STAU2: variants seen among roughly 807,000 people sequenced by gnomAD.
STAU2 encodes the protein double-stranded RNA-binding protein Staufen homolog 2.
A neutral mutation model predicts 65.9 loss-of-function variants in STAU2; 20 were observed. The observed-to-expected ratio is 0.30, with a 90% CI of 0.21 to 0.44. The LOEUF (loss-of-function observed/expected upper bound fraction) is 0.44, where lower values mean the gene tolerates loss of function less well. STAU2 is among the 20% of genes least tolerant of loss of function. STAU2 has a pLI of 1.00. For missense variants in STAU2, 558 were observed against 683.9 expected, an observed-to-expected ratio of 0.82 and a Z score of 2.05; for synonymous variants, 232 against 233.9, an observed-to-expected ratio of 0.99 and a Z score of 0.07.
intron 13 of STAU2, among the ~76,000 whole-genome samples, chr8:73,446,271 C>G (rs890412838): frequency 3.9e-5 from 6 of 152,092 alleles, no homozygotes; most frequent in Non-Finnish European, 8.8e-5. Context: ...TCATGGTTGC[C>G]AGGGCTGGGG....
intron 3 of STAU2, among the ~76,000 whole-genome samples, chr8:73,714,403 A>G (rs1586332181): frequency 6.6e-6 from 1 of 152,178 alleles, no homozygotes; most frequent in East Asian, 1.9e-4. Flanking sequence ...TCTATTTTCA[A>G]ATTAGACCCT....
At chr8:73,548,926 A>T (rs924981279) in intron 13 of STAU2, among the ~76,000 whole-genome samples, 3 of 152,232 alleles carry the variant, frequency 2.0e-5, no homozygotes, top group African/African-American at 7.2e-5. Flanking sequence ...ATATTTATAG[A>T]TTTCTAATAT....
intron 14 of STAU2, 87 bp downstream of exon 14, chr8:73,422,527 C>T (rs1816457219): frequency 7.5e-6 from 8 of 1,061,298 alleles, no homozygotes; most frequent in South Asian, 3.7e-5. Context: ...ATACTATTGT[C>T]GACTTTTTAA....
chr8:73,538,760 T>C (rs981394706), intron 13 of STAU2, among the ~76,000 whole-genome samples: 8 of 151,648 alleles, frequency 5.3e-5, no homozygotes, highest in Non-Finnish European at 2.9e-5. Flanking sequence ...GAAACATCAA[T>C]ACTTGCTACT....
intron 4 of STAU2, chr8:73,697,207 CCATACCCAGCTAATTGG>C (rs1296275930): frequency 6.6e-6 from 1 of 152,116 alleles, no homozygotes; most frequent in African/African-American, 2.4e-5. Flanking sequence ...GCGTGCACCA[CCATACCCAGCTAATTGG>C]CAGCAGACTT....
At chr8:73,640,669 A>G (rs1554554361) in intron 6 of STAU2, among the ~76,000 whole-genome samples, 1 of 152,174 alleles carries the variant, frequency 6.6e-6, no homozygotes, top group South Asian at 2.1e-4. Context: ...AATTTTTTCA[A>G]TGATTTTTAA....
chr8:73,722,424 A>G (rs1172532618), intron 3 of STAU2, among the ~76,000 whole-genome samples: 2 of 152,120 alleles, frequency 1.3e-5, no homozygotes, highest in African/African-American at 4.8e-5. Context: ...ATTGCTTTTA[A>G]ATTTTCTTCC....
At chr8:73,597,850 C>T (rs1052783920) in intron 10 of STAU2, among the ~76,000 whole-genome samples, 1 of 152,022 alleles carries the variant, frequency 6.6e-6, no homozygotes, top group Non-Finnish European at 1.5e-5. Context: ...AAAAACTTCG[C>T]AAAAAGGACT....
At chr8:73,595,662 AT>A (rs1811128912) in intron 10 of STAU2, among the ~76,000 whole-genome samples, 1 of 152,158 alleles carries the variant, frequency 6.6e-6, no homozygotes, top group Non-Finnish European at 1.5e-5. Context: ...GCATTCTTAT[AT>A]TTCAATTAAT....
chr8:73,591,628 G>T (rs1388124315), intron 11 of STAU2, among the ~76,000 whole-genome samples: 3 of 151,480 alleles, frequency 2.0e-5, no homozygotes, highest in Non-Finnish European at 4.4e-5. Context: ...CAATAGAAGT[G>T]GTCAAGTCAA....
chr8:73,583,342 C>T (rs1188329426), intron 11 of STAU2, among the ~76,000 whole-genome samples: 1 of 151,934 alleles, frequency 6.6e-6, no homozygotes, highest in Non-Finnish European at 1.5e-5. Context: ...GATGGGGTTT[C>T]GCCATGTTAG....
At chr8:73,508,787 G>A (rs35628320) in intron 13 of STAU2, among the ~76,000 whole-genome samples, 20,122 of 152,098 alleles carry the variant, frequency 0.13, 1,816 homozygotes, top group East Asian at 0.49. Context: ...GCATGTTTTT[G>A]AAGTTCATCC....
intron 13 of STAU2, among the ~76,000 whole-genome samples, chr8:73,536,043 T>C (rs1199272062): frequency 1.3e-5 from 2 of 152,198 alleles, no homozygotes; most frequent in African/African-American, 4.8e-5. Flanking sequence ...GTATAATATA[T>C]ACTTGAATTT....
At position 73,466,867 on chromosome 8, in the gene STAU2, C is replaced by A. The variant is rs1250009757; in HGVS notation, c.1531-44165G>T. ...GGATACACAGACGGTTGTGGCACCGCCTCAGCTCTCAGGAGCCTCCCAGTC... is the reference window on the plus strand; with the variant it reads ...GGATACACAGACGGTTGTGGCACCGACTCAGCTCTCAGGAGCCTCCCAGTC... On this transcript the variant is annotated intron_variant, in intron 13 of 14. Coordinates refer to ENST00000524300, the MANE Select transcript of STAU2 (RefSeq NM_001164380.2). Among the ~76,000 whole-genome samples, 5 of 152,300 alleles carry A rather than the reference C, an allele frequency of 3.3e-5. No individual in the cohort carries two copies. The East Asian group carries it at 7.7e-4, about 24-fold the overall frequency.
intron 13 of STAU2, among the ~76,000 whole-genome samples, chr8:73,454,951 C>A (rs960737653): frequency 1.3e-5 from 2 of 151,776 alleles, no homozygotes; most frequent in South Asian, 2.1e-4. Flanking sequence ...GTCCTCCCAC[C>A]ACTAGGAGAG....
chr8:73,518,161 C>T (rs1822842753), intron 13 of STAU2, among the ~76,000 whole-genome samples: 1 of 152,172 alleles, frequency 6.6e-6, no homozygotes, highest in Admixed American at 6.5e-5. Flanking sequence ...TGAAGACAGA[C>T]TTATTTATTA....
intron 13 of STAU2, among the ~76,000 whole-genome samples, chr8:73,518,790 G>T (rs6991116): frequency 0.46 from 70,236 of 151,746 alleles, 16,444 homozygotes; most frequent in East Asian, 0.56. Context: ...CTGTAATTTT[G>T]TTTAAGATAT....
chr8:73,544,693 T>C (rs1269366623), intron 13 of STAU2, among the ~76,000 whole-genome samples: 3 of 152,250 alleles, frequency 2.0e-5, no homozygotes. Flanking sequence ...TTCACAATTC[T>C]TGACATCACT....
chr8:73,491,024 A>T (rs1044325781), intron 13 of STAU2, among the ~76,000 whole-genome samples: 3 of 152,026 alleles, frequency 2.0e-5, no homozygotes, highest in Non-Finnish European at 4.4e-5. Flanking sequence ...CTGATCTCAA[A>T]TCCTCGGCAG....
Sources: gnomAD v4.1 joint callset for allele counts (sites outside exome capture counted in the v4.1 genomes callset) on GRCh38, gnomAD v4.1.1 for gene constraint, MANE v1.5 for transcripts, NCBI Gene and HGNC (gene_info 2026-07-23, HGNC 2026-07-21) for gene names.